ARID1B: variants seen among roughly 807,000 people sequenced by gnomAD.
ARID1B encodes AT-rich interactive domain-containing protein 1B.
In ARID1B, 30 loss-of-function variants were observed where a neutral mutation model predicts 212.3. The ratio of observed to expected loss-of-function variants is 0.14; its 90% CI spans 0.11 to 0.19. ARID1B has a LOEUF of 0.19. Among genes scored for constraint, ARID1B ranks in the 10% least tolerant of loss-of-function variants. The pLI is 1.00. For missense variants in ARID1B, 2,891 were observed against 3,204.0 expected (o/e 0.90, Z 2.36); for synonymous variants, 1,402 against 1,301.7 (o/e 1.08, Z -1.66).
chr6:156,791,784 G>A (rs767571432), intron 1 of ARID1B, among the ~76,000 whole-genome samples: 3 of 152,202 alleles, frequency 2.0e-5, no homozygotes, highest in Non-Finnish European at 4.4e-5. Context: ...GATCCGAAGA[G>A]CAACTGACAG....
At chr6:156,909,333 C>T (rs1789681637) in intron 3 of ARID1B, among the ~76,000 whole-genome samples, 1 of 151,944 alleles carries the variant, frequency 6.6e-6, no homozygotes, top group Non-Finnish European at 1.5e-5. Context: ...ACCATGTTGG[C>T]CAGGCTGGTC....
intron 4 of ARID1B, among the ~76,000 whole-genome samples, chr6:157,033,290 T>C (rs919733706): frequency 2.0e-5 from 3 of 152,228 alleles, no homozygotes; most frequent in African/African-American, 7.2e-5. Context: ...TTGTATTCCT[T>C]TAATTATGAG....
intron 3 of ARID1B, among the ~76,000 whole-genome samples, chr6:156,927,980 G>A (rs372394576): frequency 5.4e-4 from 83 of 152,308 alleles, no homozygotes; most frequent in African/African-American, 1.7e-3. Flanking sequence ...GTTTTGGAGG[G>A]TGATAGGGTT....
In ARID1B at chr6:157,148,881, A is replaced by C; in HGVS notation, c.3019A>C (p.Thr1007Pro). 6.2e-7 allele frequency: 1 copy of C among 1,612,952 alleles called. No homozygotes were observed. Among genetic ancestry groups the C allele is most frequent in the Non-Finnish European group, 8.5e-7 (1 of 1,179,992 alleles). Residue 1007 changes from threonine (T) to proline (P), a missense_variant, in exon 8 of 20, where the codon ACT (threonine) becomes CCT (proline). By Grantham distance (38) the Thr-to-Pro change is conservative. Around this residue, in one of 7 missense-constraint regions of ARID1B, gnomAD observed 1,643 missense variants for 1,544.0 expected, o/e 1.06. Coordinates refer to ENST00000636930, the MANE Select transcript of ARID1B (RefSeq NM_001374828.1). This position sits in a 1 kb window ranked among gnomAD's most constrained non-coding sequence, Gnocchi z 5.6. ...GCCAGGAATGGGGCCGCCAATGCCA[A>C]CTGTGAACCGTAAGGCACAGGAGGC... ...GGPGMGPPMP[T>P]VNRKAQEAAA...
At position 157,206,703 on chromosome 6, in the gene ARID1B, T is replaced by C. The variant is rs1265671969; in HGVS notation, c.5931T>C (p.Gly1977=). The stretch of plus-strand genomic sequence containing the variant: ...CACCTCCCCCCTTAAGCTCCGCAGG[T>C]AGAAAGAAAGAGCAAGAAGGCAAAG... ...RRPPPPLSSA[G]RKKEQEGKGD... is the part of the protein sequence containing the mutation. Residue 1977 remains glycine (G), a synonymous_variant, in exon 20 of 20, where the codon GGT becomes GGC. Coordinates refer to ENST00000636930, the MANE Select transcript of ARID1B (RefSeq NM_001374828.1). The surrounding 1 kb of genome is among the most constrained non-coding windows in gnomAD (Gnocchi z 6.8). The C allele has an allele frequency of 6.2e-7, 1 of 1,610,836 alleles. No individual in the cohort carries two copies.
At chr6:156,992,647 G>A (rs1364048602) in intron 4 of ARID1B, among the ~76,000 whole-genome samples, 6 of 152,204 alleles carry the variant, frequency 3.9e-5, no homozygotes, top group Admixed American at 3.9e-4. Flanking sequence ...TGGGGCCTGG[G>A]CACTGATAAA....
chr6:156,998,210 CTCTT>C (rs1313363588), intron 4 of ARID1B, among the ~76,000 whole-genome samples: 18 of 141,816 alleles, frequency 1.3e-4, no homozygotes, highest in African/African-American at 4.9e-4. Context: ...TGATCTCTCT[CTCTT>C]TTTTTTTTTT....
At chr6:157,024,393 T>C (rs1321708991) in intron 4 of ARID1B, 1 of 152,236 alleles carries the variant, frequency 6.6e-6, no homozygotes, top group African/African-American at 2.4e-5. Context: ...CAAAATTGAG[T>C]GAACAAATTG....
chr6:157,157,259 A>G (rs1187603476), intron 8 of ARID1B, among the ~76,000 whole-genome samples: 1 of 152,086 alleles, frequency 6.6e-6, no homozygotes, highest in Non-Finnish European at 1.5e-5. Context: ...GCCCCCATAG[A>G]TACACACTTA....
chr6:157,167,215 C>A (rs1791391846), intron 9 of ARID1B, 30 bp downstream of exon 9: 2 of 1,592,040 alleles, frequency 1.3e-6, no homozygotes, highest in African/African-American at 1.3e-5. Context: ...GCTCCTGAGC[C>A]CCTCTCTCTC....
intron 2 of ARID1B, among the ~76,000 whole-genome samples, chr6:156,899,477 G>A (rs563686336): frequency 1.3e-5 from 2 of 152,268 alleles, no homozygotes; most frequent in East Asian, 1.9e-4. Context: ...TGAATGAGCC[G>A]TGTGTCTAAA....
chr6:157,171,642 A>G (rs537026128), intron 9 of ARID1B, among the ~76,000 whole-genome samples: 11 of 152,240 alleles, frequency 7.2e-5, no homozygotes, highest in Non-Finnish European at 1.6e-4. Flanking sequence ...TCTAAATTCT[A>G]TCCTTATTTA....
rs112530998 is a variant in ARID1B at position 157,174,356 on chromosome 6, A to C, written c.3345+239A>C. ...GGTTGGGGGAGAGGGGTGGAGGGAC[A>C]AGACCCACCTAAGAAAAATGCTTCG... On this transcript the variant is annotated intron_variant, in intron 10 of 19. Coordinates refer to ENST00000636930, the MANE Select transcript of ARID1B (RefSeq NM_001374828.1). 333 of 394,392 alleles carry C rather than the reference A, an allele frequency of 8.4e-4. 4 individuals are homozygous for C. The highest frequency in any genetic ancestry group is 1.8e-4 in the Non-Finnish European group (40 of 220,588). 24.4% of individuals were successfully genotyped at this position (394,392 alleles called of 1,614,324 possible).
In ARID1B at chr6:156,991,073, CATG is replaced by C. The variant is rs549670061; in HGVS notation, c.2247+55499_2247+55501del. On this transcript the variant is annotated intron_variant, in intron 4 of 19. Transcript: ENST00000636930. The stretch of plus-strand genomic sequence containing the variant: ...ATTAGTCTTGTTAGTTCTACTTCCT[CATG>C]AGGCTCTGAGGAGCAGTAACTTGAC... Among the ~76,000 whole-genome samples, 10 of 152,302 alleles carry C rather than the reference CATG, an allele frequency of 6.6e-5. No homozygotes were observed. The South Asian group carries it at 2.1e-3, about 32-fold the overall frequency.
chr6:157,040,302 G>A (rs915236385), intron 4 of ARID1B, among the ~76,000 whole-genome samples: 33 of 152,126 alleles, frequency 2.2e-4, no homozygotes, highest in Non-Finnish European at 8.8e-5. Context: ...ATTCACAATT[G>A]GTGTTTCTTC....
chr6:157,001,936 G>T (rs1033574715), intron 4 of ARID1B, among the ~76,000 whole-genome samples: 2 of 152,234 alleles, frequency 1.3e-5, no homozygotes, highest in Non-Finnish European at 1.5e-5. Flanking sequence ...TCCCCACGCT[G>T]CTCGTTTCCA....
rs555218815 is a variant in ARID1B at position 157,189,524 on chromosome 6, T to C, written c.3920-118T>C. Reference sequence around the variant, plus strand: ...CAGCAATGGCTATTGTTACTGTTTCTAATAAGATGGTGTCTTATTTACATT... The same window carrying C: ...CAGCAATGGCTATTGTTACTGTTTCCAATAAGATGGTGTCTTATTTACATT... On this transcript the variant is annotated intron_variant, in intron 13 of 19. Transcript: ENST00000636930. The C allele has an allele frequency of 2.1e-5, 25 of 1,210,716 alleles. No individual in the cohort carries two copies. In the African/African-American group the frequency reaches 3.8e-4, roughly 18 times the overall value. The allele number at this position is 1,210,716 out of a possible 1,614,324, so 75.0% of individuals were successfully genotyped here.
intron 8 of ARID1B, among the ~76,000 whole-genome samples, chr6:157,161,150 G>A (rs532814181): frequency 6.6e-6 from 1 of 152,280 alleles, no homozygotes; most frequent in East Asian, 1.9e-4. Flanking sequence ...AGCAAAAGGG[G>A]TAGAATCTAT....
Position 156,955,943 on chromosome 6 carries a change from G to A in ARID1B, c.2247+20367G>A, listed in dbSNP as rs920708470. Among the ~76,000 whole-genome samples the A allele has an allele frequency of 6.6e-6, 1 of 152,160 alleles. No individual in the cohort carries two copies. The highest frequency in any genetic ancestry group is 6.5e-5 in the Admixed American group (1 of 15,280). On this transcript the variant is annotated intron_variant, in intron 4 of 19. Coordinates refer to ENST00000636930, the MANE Select transcript of ARID1B (RefSeq NM_001374828.1). The surrounding 1 kb of genome is among the most constrained non-coding windows in gnomAD (Gnocchi z 4.2). ...GCCTGTTCTATTTCCTCACCTTCCT[G>A]TGTTCATCTGTGTATCTGCCAAGTG...
Sources: gnomAD v4.1 joint callset for allele counts (sites outside exome capture counted in the v4.1 genomes callset) on GRCh38, gnomAD v4.1.1 for gene constraint, gnomAD v4.1.1 regional missense constraint, Gnocchi (gnomAD v3.1) non-coding constraint, MANE v1.5 for transcripts, NCBI Gene and HGNC (gene_info 2026-07-23, HGNC 2026-07-21) for gene names.